Variants in GPR4 observed in about 807,000 individuals in gnomAD.
GPR4 encodes G protein-coupled receptor 4.
Under a neutral mutation model 17.8 loss-of-function variants are expected in GPR4, and 11 were observed. The ratio of observed to expected loss-of-function variants is 0.62; its 90% CI spans 0.39 to 1.02. The LOEUF is 1.02. GPR4 is among the 50% of genes least tolerant of loss of function. The pLI, the probability that GPR4 is intolerant of heterozygous loss-of-function variation, is 0.00. For synonymous variants in GPR4, 219 were observed against 222.8 expected, an observed-to-expected ratio of 0.98 and a Z score of 0.15; for missense variants, 364 against 495.4, an observed-to-expected ratio of 0.73 and a Z score of 2.52.
chr19:45,596,106 C>T (rs747102182), intron 1 of GPR4, among the ~76,000 whole-genome samples: 4 of 152,186 alleles, frequency 2.6e-5, no homozygotes, highest in Non-Finnish European at 5.9e-5. Flanking sequence ...TCGCTGGGAT[C>T]ATTGCAGTAG....
chr19:45,590,055 A>C lies in GPR4; in HGVS notation c.*723T>G, dbSNP rs1198711275. ...TTGACTTGGAGATCGCTGTTTATCT[A>C]GAAACTTAGAATTGCGGTCTTATGT... On this transcript the variant is annotated 3_prime_UTR_variant, in exon 2 of 2. Coordinates refer to ENST00000323040, the MANE Select transcript of GPR4 (RefSeq NM_005282.3). 6.6e-6 allele frequency: 1 copy of C among 152,186 alleles called. No homozygotes were observed. The highest frequency in any genetic ancestry group is 2.4e-5 in the African/African-American group (1 of 41,444). The allele number at this position is 152,186 out of a possible 1,614,324, so 9.4% of individuals were successfully genotyped here.
chr19:45,591,477 G>C lies in GPR4; in HGVS notation c.390C>G (p.Arg130=). 1 of 1,611,216 alleles carries C rather than the reference G, an allele frequency of 6.2e-7. No individual in the cohort carries two copies. The highest frequency in any genetic ancestry group is 8.5e-7 in the Non-Finnish European group (1 of 1,179,082). Residue 130 remains arginine, a synonymous_variant, in exon 2 of 2, where the codon CGC becomes CGG. Transcript: ENST00000323040. This position sits in a 1 kb window ranked among gnomAD's most constrained non-coding sequence, Gnocchi z 7.6. The part of the protein sequence containing the change: ...AHPLRFARLR[R]VKTAVAVSSV... ...AGCTCACGGCCACGGCGGTCTTGACGCGGCGCAGGCGGGCGAAGCGGAGTG... is the reference window on the plus strand; with the variant it reads ...AGCTCACGGCCACGGCGGTCTTGACCCGGCGCAGGCGGGCGAAGCGGAGTG...
intron 1 of GPR4, among the ~76,000 whole-genome samples, chr19:45,594,302 G>C (rs1970034902): frequency 6.7e-6 from 1 of 148,194 alleles, no homozygotes; most frequent in Non-Finnish European, 1.5e-5. Context: ...CACACCTGTA[G>C]TCCCAGCTAC....
Position 45,592,370 on chromosome 19 carries a change from A to G in GPR4, c.-504T>C, listed in dbSNP as rs1970007175. The stretch of plus-strand genomic sequence containing the variant: ...TGTTGAGATAGGACACAGCGCAGTT[A>G]GGGAGTGTTGGAAAGTTCAGGCAAT... On this transcript the variant is annotated 5_prime_UTR_variant, in exon 2 of 2. The change abolishes the stop of an existing upstream ORF in the 5' untranslated region. Coordinates refer to ENST00000323040, the MANE Select transcript of GPR4 (RefSeq NM_005282.3). The G allele has an allele frequency of 6.0e-6, 1 of 167,822 alleles. No individual in the cohort carries two copies. The highest frequency in any genetic ancestry group is 2.4e-5 in the African/African-American group (1 of 41,458). The allele number at this position is 167,822 out of a possible 1,614,324, so 10.4% of individuals were successfully genotyped here.
At chr19:45,601,843 A>G (rs539724158) in intron 1 of GPR4, among the ~76,000 whole-genome samples, 1 of 152,008 alleles carries the variant, frequency 6.6e-6, no homozygotes, top group Non-Finnish European at 1.5e-5. Context: ...GATCAAGAAA[A>G]AGACAGAGAC....
chr19:45,592,961 G>A (rs940607686), intron 1 of GPR4, among the ~76,000 whole-genome samples: 6 of 152,102 alleles, frequency 3.9e-5, no homozygotes, highest in Non-Finnish European at 8.8e-5. Context: ...GGAGGCCGAG[G>A]TGGGAGGTTC....
rs555637536 is a variant in GPR4 at position 45,590,265 on chromosome 19, T to C, written c.*513A>G. The C allele has an allele frequency of 6.5e-6, 1 of 153,034 alleles. No individual in the cohort carries two copies. The highest frequency in any genetic ancestry group is 1.9e-4 in the East Asian group (1 of 5,206). 9.5% of individuals were successfully genotyped at this position (153,034 alleles called of 1,614,324 possible). A position where few individuals can be genotyped will look rare whatever the true frequency, so the allele number is the denominator to read the frequency against. ...TTGACTTAATTTATCTGGCCAGACA[T>C]GGCGGCTCACATCTCTAATCTGAGC... On this transcript the variant is annotated 3_prime_UTR_variant, in exon 2 of 2. Coordinates refer to ENST00000323040, the MANE Select transcript of GPR4 (RefSeq NM_005282.3).
In GPR4 at chr19:45,590,806, T is replaced by G; in HGVS notation, c.1061A>C (p.Gln354Pro). The part of the protein sequence containing the change: ...ATPPSQGDQV[Q>P]LKMLPPAQ ...TTGTGCTGGCGGCAGCATCTTCAGC[T>G]GCACCTGGTCCCCCTGGGAGGGCGG... Residue 354 changes from glutamine (Q) to proline (P), a missense_variant, in exon 2 of 2, where the codon CAG (glutamine) becomes CCG (proline). This residue lies in a region of GPR4 where 92 missense variants were observed against 106.0 expected (regional missense o/e 0.87). Coordinates refer to ENST00000323040, the MANE Select transcript of GPR4 (RefSeq NM_005282.3). 1 of 1,585,606 alleles carries G rather than the reference T, an allele frequency of 6.3e-7. No individual in the cohort carries two copies. The highest frequency in any genetic ancestry group is 2.2e-5 in the East Asian group (1 of 44,608).
intron 1 of GPR4, among the ~76,000 whole-genome samples, chr19:45,593,807 T>A (rs554300726): frequency 6.6e-6 from 1 of 152,048 alleles, no homozygotes; most frequent in Admixed American, 6.6e-5. Flanking sequence ...ACAAGGATAA[T>A]AACAGCAAAC....
At chr19:45,599,196 T>G (rs995620791) in intron 1 of GPR4, among the ~76,000 whole-genome samples, 1 of 152,050 alleles carries the variant, frequency 6.6e-6, no homozygotes, top group Non-Finnish European at 1.5e-5. Flanking sequence ...CAGGAAAGAC[T>G]AGGAAGACCT....
In GPR4 at chr19:45,591,614, G is replaced by A. The variant is rs746369761; in HGVS notation, c.253C>T (p.His85Tyr). 1.2e-5 allele frequency: 20 copies of A among 1,614,006 alleles called. No homozygotes were observed. Among genetic ancestry groups the A allele is most frequent in the Non-Finnish European group, 1.4e-5 (16 of 1,180,022 alleles). ...AAGAGCTTGCAGGACCCGGGGCCGTGGATCCAGTTGTCGTGGTGCAGGAAG... is the reference window on the plus strand; with the variant it reads ...AAGAGCTTGCAGGACCCGGGGCCGTAGATCCAGTTGTCGTGGTGCAGGAAG... ...DYFLHHDNWI[H>Y]GPGSCKLFGF... The change falls in exon 2 of 2, where the codon CAC becomes TAC. Residue 85 changes from histidine to tyrosine, a missense_variant. Physicochemically the swap from His to Tyr is moderately conservative, Grantham distance 83. Coordinates refer to ENST00000323040, the MANE Select transcript of GPR4 (RefSeq NM_005282.3). The surrounding 1 kb of genome is among the most constrained non-coding windows in gnomAD (Gnocchi z 7.6).
intron 1 of GPR4, among the ~76,000 whole-genome samples, chr19:45,595,004 C>T (rs1481116411): frequency 6.6e-6 from 1 of 150,750 alleles, no homozygotes; most frequent in Non-Finnish European, 1.5e-5. Context: ...AGTCCAGGCA[C>T]GGTGGCTCAC....
intron 1 of GPR4, among the ~76,000 whole-genome samples, chr19:45,595,507 C>A (rs1970049790): frequency 1.3e-5 from 2 of 152,090 alleles, no homozygotes; most frequent in Non-Finnish European, 2.9e-5. Flanking sequence ...ACTCTCTTCA[C>A]TGTCTCTGCC....
rs1169008904 is a variant in GPR4 at position 45,591,750 on chromosome 19, C to T, written c.117G>A (p.Leu39=). ...GVGLPTNCLA[L]WAAYRQVQQR... The stretch of plus-strand genomic sequence containing the variant: ...GTTGCACCTGGCGGTAGGCCGCCCA[C>T]AGAGCCAGGCAGTTGGTGGGCAGCC... Residue 39 remains leucine, a synonymous_variant, in exon 2 of 2, where the codon CTG becomes CTA. Coordinates refer to ENST00000323040, the MANE Select transcript of GPR4 (RefSeq NM_005282.3). The surrounding 1 kb of genome is among the most constrained non-coding windows in gnomAD (Gnocchi z 7.6). 3.7e-6 allele frequency: 6 copies of T among 1,613,826 alleles called. No individual in the cohort carries two copies. Among genetic ancestry groups the T allele is most frequent in the Non-Finnish European group, 5.1e-6 (6 of 1,179,922 alleles).
At chr19:45,594,441 A>AAG (rs1568417345) in intron 1 of GPR4, among the ~76,000 whole-genome samples, 3 of 150,444 alleles carry the variant, frequency 2.0e-5, no homozygotes, top group African/African-American at 7.3e-5. Flanking sequence ...AAAAAAAAAA[A>AAG]AGAGATCCTC....
chr19:45,601,520 A>T (rs1200357096), intron 1 of GPR4, among the ~76,000 whole-genome samples: 1 of 151,930 alleles, frequency 6.6e-6, no homozygotes, highest in African/African-American at 2.4e-5. Flanking sequence ...CCTGCCCCCT[A>T]CCCCACTCCC....
chr19:45,596,501 G>A (rs1244092250), intron 1 of GPR4, among the ~76,000 whole-genome samples: 5 of 148,374 alleles, frequency 3.4e-5, no homozygotes, highest in African/African-American at 7.5e-5. Flanking sequence ...CACCGCGCCC[G>A]GGCAAGATCT....
Position 45,590,564 on chromosome 19 carries a change from C to T in GPR4, c.*214G>A. 1 of 529,914 alleles carries T rather than the reference C, an allele frequency of 1.9e-6. No individual in the cohort carries two copies. The highest frequency in any genetic ancestry group is 3.1e-5 in the East Asian group (1 of 32,054). 32.8% of individuals were successfully genotyped at this position (529,914 alleles called of 1,614,324 possible). On this transcript the variant is annotated 3_prime_UTR_variant, in exon 2 of 2. Coordinates refer to ENST00000323040, the MANE Select transcript of GPR4 (RefSeq NM_005282.3). ...CCAAAAAAATATATTTACTCATCTCCTCCTTCAGGAGGCCCTCCACAATCG... is the reference window on the plus strand; with the variant it reads ...CCAAAAAAATATATTTACTCATCTCTTCCTTCAGGAGGCCCTCCACAATCG...
chr19:45,590,640 A>G lies in GPR4; in HGVS notation c.*138T>C. ...ACAAAGGTTGACCAGTGACACACCA[A>G]CCTCACTCTTCCTAAGTTCTTGTAT... On this transcript the variant is annotated 3_prime_UTR_variant, in exon 2 of 2. Coordinates refer to ENST00000323040, the MANE Select transcript of GPR4 (RefSeq NM_005282.3). The G allele has an allele frequency of 2.6e-6, 3 of 1,144,466 alleles. No individual in the cohort carries two copies. The highest frequency in any genetic ancestry group is 2.4e-6 in the Non-Finnish European group (2 of 826,930). The allele number at this position is 1,144,466 out of a possible 1,614,324, so 70.9% of individuals were successfully genotyped here.
Sources: allele counts gnomAD v4.1 joint callset (sites outside exome capture counted in the v4.1 genomes callset), GRCh38; gene constraint gnomAD v4.1.1; regional missense constraint gnomAD v4.1.1; non-coding constraint Gnocchi (gnomAD v3.1); transcripts MANE v1.5; gene names NCBI Gene and HGNC (gene_info 2026-07-23, HGNC 2026-07-21).